The following DMXL2 variants were observed in gnomAD, a reference collection of about 807,000 sequenced individuals.
DMXL2 encodes the protein Dmx like 2, also known as dmX-like protein 2.
Under a neutral mutation model 331.1 loss-of-function variants are expected in DMXL2, and 103 were observed. The ratio of observed to expected loss-of-function variants is 0.31; its 90% confidence interval spans 0.27 to 0.37. DMXL2 has a LOEUF of 0.37. Ranked by LOEUF, DMXL2 falls within the 10% of genes least tolerant of loss-of-function variation. The probability of loss-of-function intolerance (pLI) is 1.00; values close to 1 mark genes in which losing one functional copy is unlikely to be tolerated. For synonymous variants in DMXL2, 1,281 were observed against 1,252.1 expected, an observed-to-expected ratio of 1.02 and a Z score of -0.49; for missense variants, 3,171 against 3,642.9, an observed-to-expected ratio of 0.87 and a Z score of 3.33.
At chr15:51,563,582 T>C in intron 5 of DMXL2, 135 bp from the exon 6 acceptor site, 1 of 522,370 alleles carries the variant, frequency 1.9e-6, no homozygotes, top group Non-Finnish European at 3.3e-6. Flanking sequence ...CCTAAAAATA[T>C]AAATAAAATA....
At chr15:51,573,080 A>G (rs190466152) in intron 2 of DMXL2, among the ~76,000 whole-genome samples, 1 of 152,112 alleles carries the variant, frequency 6.6e-6, no homozygotes, top group Non-Finnish European at 1.5e-5. Flanking sequence ...TAAGCAACAA[A>G]CATATGAAAA....
intron 1 of DMXL2, among the ~76,000 whole-genome samples, chr15:51,617,674 T>A (rs2054370795): frequency 6.6e-6 from 1 of 152,238 alleles, no homozygotes; most frequent in South Asian, 2.1e-4. Flanking sequence ...GAAGTCCATA[T>A]AATTTTCATT....
rs2140235613 is a variant in DMXL2 at position 51,458,696 on chromosome 15, T to C, written c.8076+13A>G. On this transcript the variant is annotated intron_variant, in intron 35 of 43. Coordinates refer to ENST00000560891, the MANE Select transcript of DMXL2 (RefSeq NM_001378457.1). ...AGGAGAAATACACTGTGTATAATGA[T>C]GAGAGCTTTTACCTTATTAACAGAA... The C allele has an allele frequency of 6.2e-7, 1 of 1,613,964 alleles. No homozygotes were observed. The highest frequency in any genetic ancestry group is 2.2e-5 in the East Asian group (1 of 44,866).
At chr15:51,564,400 T>C (rs1214786499) in intron 4 of DMXL2, 140 bp from the exon 5 acceptor site, 1 of 566,704 alleles carries the variant, frequency 1.8e-6, no homozygotes, top group Non-Finnish European at 2.8e-6. Context: ...ACTTGGTATA[T>C]ATTTTTTTAA....
intron 6 of DMXL2, among the ~76,000 whole-genome samples, chr15:51,559,466 A>G (rs1420760714): frequency 1.3e-5 from 2 of 152,176 alleles, no homozygotes; most frequent in Non-Finnish European, 2.9e-5. Context: ...TGTAATCTCA[A>G]CACTTAGGGA....
Position 51,460,980 on chromosome 15 carries a change from G to GACT in DMXL2, c.7927-1323_7927-1321dup, listed in dbSNP as rs566424529. ...TACTCAGTAACCACATGTGGCTGGT[G>GACT]ACTACTATGTTGGACTATGCAGATA... is the stretch of plus-strand genomic sequence containing the variant. On this transcript the variant is annotated intron_variant, in intron 33 of 43. Transcript: ENST00000560891. Among the ~76,000 whole-genome samples the GACT allele has an allele frequency of 2.3e-3, 351 of 152,270 alleles. 2 individuals are homozygous for GACT. Among genetic ancestry groups the GACT allele is most frequent in the South Asian group, 6.6e-3 (32 of 4,828 alleles).
At chr15:51,520,638 C>T (rs959293666) in intron 13 of DMXL2, among the ~76,000 whole-genome samples, 1 of 152,092 alleles carries the variant, frequency 6.6e-6, no homozygotes, top group African/African-American at 2.4e-5. Context: ...GGGTGGATCA[C>T]CTGAGGTCAA....
At chr15:51,451,803 C>CT in intron 41 of DMXL2, 106 bp from the exon 42 acceptor site, 2 of 957,970 alleles carry the variant, frequency 2.1e-6, no homozygotes, top group Non-Finnish European at 3.2e-6. Flanking sequence ...TCATTCTTAT[C>CT]TTTTTTGTTC....
chr15:51,504,483 C>T (rs2043912062), intron 16 of DMXL2, among the ~76,000 whole-genome samples: 2 of 152,068 alleles, frequency 1.3e-5, no homozygotes, highest in Non-Finnish European at 1.5e-5. Flanking sequence ...TCTGTTCTTC[C>T]GTGACATATA....
chr15:51,524,394 A>C (rs1567066772), intron 13 of DMXL2, among the ~76,000 whole-genome samples: 1 of 152,180 alleles, frequency 6.6e-6, no homozygotes, highest in Admixed American at 6.5e-5. Flanking sequence ...CCAAGCAAGA[A>C]CACCAATTTA....
chr15:51,562,258 G>C (rs1054415894), intron 6 of DMXL2, among the ~76,000 whole-genome samples: 3 of 151,912 alleles, frequency 2.0e-5, no homozygotes, highest in African/African-American at 7.3e-5. Context: ...AGTTTATTGA[G>C]ATATAATATC....
chr15:51,468,851 G>C (rs1269815939), intron 29 of DMXL2, among the ~76,000 whole-genome samples: 1 of 152,046 alleles, frequency 6.6e-6, no homozygotes, highest in Non-Finnish European at 1.5e-5. Context: ...CACTTGACAA[G>C]ATTCAGAGGA....
At chr15:51,524,118 T>G (rs577740172) in intron 13 of DMXL2, among the ~76,000 whole-genome samples, 1 of 152,318 alleles carries the variant, frequency 6.6e-6, no homozygotes, top group South Asian at 2.1e-4. Context: ...TAAAAAGGAC[T>G]GAAATCATAC....
At chr15:51,457,527 C>G in intron 36 of DMXL2, 61 bp from the exon 37 acceptor site, 1 of 1,582,108 alleles carries the variant, frequency 6.3e-7, no homozygotes, top group East Asian at 2.3e-5. Flanking sequence ...CAAATTCCAA[C>G]TAAAAATCTT....
Position 51,500,081 on chromosome 15 carries a change from C to A in DMXL2, c.3143G>T (p.Trp1048Leu). The A allele has an allele frequency of 6.2e-7, 1 of 1,614,142 alleles. No homozygotes were observed. The highest frequency in any genetic ancestry group is 8.5e-7 in the Non-Finnish European group (1 of 1,180,012). Residue 1048 changes from tryptophan (W) to leucine (L), a missense_variant, in exon 18 of 44, where the codon TGG (tryptophan) becomes TTG (leucine). Trp to Leu is a moderately conservative substitution (Grantham distance 61). Coordinates refer to ENST00000560891, the MANE Select transcript of DMXL2 (RefSeq NM_001378457.1). ...NKSDEKEIYHWKRWPLMNDEG... is the reference protein window; with the variant it reads ...NKSDEKEIYHLKRWPLMNDEG... The stretch of plus-strand genomic sequence containing the variant: ...ATCATTCATCAAAGGCCATCTCTTC[C>A]AATGATAAATTTCTTTCTCATCACT...
intron 28 of DMXL2, among the ~76,000 whole-genome samples, chr15:51,472,329 A>G (rs1250307497): frequency 6.6e-6 from 1 of 152,192 alleles, no homozygotes; most frequent in Non-Finnish European, 1.5e-5. Context: ...GACCATAACT[A>G]ACACCCTAGG....
At chr15:51,465,100 A>C (rs2040454321) in intron 31 of DMXL2, among the ~76,000 whole-genome samples, 1 of 152,202 alleles carries the variant, frequency 6.6e-6, no homozygotes, top group African/African-American at 2.4e-5. Flanking sequence ...ATATAAACTA[A>C]AGTATTAGAC....
chr15:51,476,051 C>T (rs1276083819), intron 27 of DMXL2, among the ~76,000 whole-genome samples: 1 of 151,864 alleles, frequency 6.6e-6, no homozygotes, highest in Non-Finnish European at 1.5e-5. Context: ...TTCTACAAGG[C>T]AATGGTTACA....
At chr15:51,456,425 G>T (rs1273124436) in intron 37 of DMXL2, 56 bp from the exon 38 acceptor site, 12 of 1,038,560 alleles carry the variant, frequency 1.2e-5, no homozygotes, top group South Asian at 1.6e-5. Context: ...GATGAGGAAG[G>T]ATATGCTTCA....
Sources: gnomAD v4.1 joint callset for allele counts (sites outside exome capture counted in the v4.1 genomes callset) on GRCh38, gnomAD v4.1.1 for gene constraint, MANE v1.5 for transcripts, NCBI Gene and HGNC (gene_info 2026-07-23, HGNC 2026-07-21) for gene names.